Variants in DIP2B observed in about 807,000 individuals in gnomAD.
DIP2B encodes DIP2 acetate--CoA ligase B (putative), also known as disco-interacting protein 2 homolog B.
Under a neutral mutation model 198.0 loss-of-function variants are expected in DIP2B, and 76 were observed. The observed-to-expected ratio is 0.38, with a 90% confidence interval of 0.32 to 0.46. DIP2B has a LOEUF of 0.46. Ranked by LOEUF, DIP2B falls within the 20% of genes least tolerant of loss-of-function variation. The pLI is 0.99. For synonymous variants in DIP2B, 701 were observed against 739.1 expected (o/e 0.95, Z 0.84); for missense variants, 1,559 against 1,978.4 (o/e 0.79, Z 4.02).
Position 50,519,857 on chromosome 12 carries a change from G to T in DIP2B, c.100+14617G>T, listed in dbSNP as rs566231094. Among the ~76,000 whole-genome samples, 23 of 149,200 alleles carry T rather than the reference G, an allele frequency of 1.5e-4. No homozygotes were observed. In the South Asian group the frequency reaches 3.4e-3, roughly 22 times the overall value. ...TAGTGCTCTAATACCCTTTATTTTT[G>T]GAGGACTGTTGCTTTTAGGCATACA... On this transcript the variant is annotated intron_variant, in intron 1 of 37. Coordinates refer to ENST00000301180, the MANE Select transcript of DIP2B (RefSeq NM_173602.3).
chr12:50,732,730 G>A lies in DIP2B; in HGVS notation c.3981+194G>A, dbSNP rs75299286. Among the ~76,000 whole-genome samples the A allele has an allele frequency of 7.7e-3, 1,171 of 152,272 alleles. 14 individuals carry two copies. Among genetic ancestry groups the A allele is most frequent in the African/African-American group, 0.027 (1,124 of 41,544 alleles). On this transcript the variant is annotated intron_variant, in intron 32 of 37. Coordinates refer to ENST00000301180, the MANE Select transcript of DIP2B (RefSeq NM_173602.3). ...TGTAAGGTGAAGGTAGCAGTACTGT[G>A]CTTCCCCAGGCAGCTTGCACAATCA...
chr12:50,536,363 T>C lies in DIP2B; in HGVS notation c.100+31123T>C, dbSNP rs1338655876. ...GTCCAAGCTACTCAGGAGGATTGCT[T>C]GAGCCCAGGAGGGAAGGCTGCAGTG... is the stretch of plus-strand genomic sequence containing the variant. On this transcript the variant is annotated intron_variant, in intron 1 of 37. Transcript: ENST00000301180. Among the ~76,000 whole-genome samples the C allele has an allele frequency of 2.6e-5, 4 of 152,192 alleles. No individual in the cohort carries two copies. The South Asian group carries it at 6.2e-4, about 24-fold the overall frequency.
intron 37 of DIP2B, 23 bp downstream of exon 37, chr12:50,741,562 T>A (rs1174307618): frequency 5.0e-6 from 8 of 1,603,096 alleles, no homozygotes; most frequent in Non-Finnish European, 1.7e-6. Context: ...GCATACACTG[T>A]GCTTCCCACT....
intron 1 of DIP2B, among the ~76,000 whole-genome samples, chr12:50,560,985 T>TA (rs1338913223): frequency 1.3e-5 from 2 of 152,218 alleles, no homozygotes; most frequent in African/African-American, 4.8e-5. Flanking sequence ...TAATATTTCT[T>TA]AAATTTATTC....
In DIP2B at chr12:50,718,995, C is replaced by A; in HGVS notation, c.3002C>A (p.Ala1001Glu). ...LAEILQWRAQ[A>E]TPDHVLFMLL... ...GAGATCCTACAGTGGCGAGCCCAGG[C>A]GACTCCTGACCATGTACTCTTCATG... Residue 1001 changes from alanine to glutamate, a missense_variant, in exon 25 of 38, where the codon GCG becomes GAG. Transcript: ENST00000301180. The A allele has an allele frequency of 1.9e-6, 3 of 1,614,154 alleles. No individual in the cohort carries two copies. Among genetic ancestry groups the A allele is most frequent in the African/African-American group, 1.3e-5 (1 of 75,024 alleles).
chr12:50,713,492 C>A (rs1939656734), intron 22 of DIP2B, among the ~76,000 whole-genome samples: 1 of 152,160 alleles, frequency 6.6e-6, no homozygotes, highest in Non-Finnish European at 1.5e-5. Context: ...AGTGTAGGAA[C>A]ACAGCTGACT....
At chr12:50,533,963 G>T (rs1328357224) in intron 1 of DIP2B, among the ~76,000 whole-genome samples, 3 of 152,076 alleles carry the variant, frequency 2.0e-5, no homozygotes, top group Non-Finnish European at 4.4e-5. Flanking sequence ...GTGACAGAAG[G>T]TGAAATCAGA....
intron 1 of DIP2B, among the ~76,000 whole-genome samples, chr12:50,528,443 A>G (rs1344950417): frequency 1.3e-5 from 2 of 152,066 alleles, no homozygotes; most frequent in Admixed American, 1.3e-4. Context: ...TCCAAAAAAA[A>G]AAAAGGAAAA....
chr12:50,690,112 A>T (rs1323398913), intron 12 of DIP2B, among the ~76,000 whole-genome samples: 1 of 144,960 alleles, frequency 6.9e-6, no homozygotes, highest in African/African-American at 2.6e-5. Context: ...TTTGAGACGG[A>T]GTCTCGCTCT....
rs778513095 is a variant in DIP2B, at chr12:50,695,665, T to A, written c.1814-183T>A. ...AGTGAACAAACAATTGTAGGTCCAG[T>A]CAGTTGTCTAAATGTGATAATTTCT... On this transcript the variant is annotated intron_variant, in intron 15 of 37. Transcript: ENST00000301180. 2.6e-5 allele frequency among the ~76,000 whole-genome samples: 4 copies of A among 152,190 alleles called. 1 individual carries two copies. Among genetic ancestry groups the A allele is most frequent in the South Asian group, 4.1e-4 (2 of 4,832 alleles).
In DIP2B at chr12:50,558,681, A is replaced by G. The variant is rs186734386; in HGVS notation, c.100+53441A>G. Among the ~76,000 whole-genome samples the G allele has an allele frequency of 3.3e-5, 5 of 152,334 alleles. No individual in the cohort carries two copies. The East Asian group carries it at 7.7e-4, about 23-fold the overall frequency. ...TAAATGACAGTAAGAAAAAGCATTA[A>G]CTCAGAAGAACAAAACAGAACTGCA... On this transcript the variant is annotated intron_variant, in intron 1 of 37. Coordinates refer to ENST00000301180, the MANE Select transcript of DIP2B (RefSeq NM_173602.3).
At chr12:50,685,729 G>C in intron 10 of DIP2B, 104 bp from the exon 11 acceptor site, 1 of 1,319,506 alleles carries the variant, frequency 7.6e-7, no homozygotes, top group Non-Finnish European at 1.0e-6. Context: ...GGGGCTCCAT[G>C]AATGTTATCA....
At chr12:50,617,986 G>A (rs1217227679) in intron 1 of DIP2B, among the ~76,000 whole-genome samples, 2 of 152,020 alleles carry the variant, frequency 1.3e-5, no homozygotes, top group Non-Finnish European at 2.9e-5. Context: ...TCTGATTTAG[G>A]GGCCACCTAC....
At chr12:50,610,645 A>G (rs1959023623) in intron 1 of DIP2B, among the ~76,000 whole-genome samples, 2 of 151,648 alleles carry the variant, frequency 1.3e-5, no homozygotes, top group Admixed American at 1.3e-4. Context: ...AGCTGGGAAT[A>G]CAGGCGCCCG....
At chr12:50,523,816 C>A (rs1320592111) in intron 1 of DIP2B, among the ~76,000 whole-genome samples, 1 of 152,072 alleles carries the variant, frequency 6.6e-6, no homozygotes, top group Non-Finnish European at 1.5e-5. Context: ...TCCCAATTTC[C>A]TCAAATTATA....
intron 14 of DIP2B, among the ~76,000 whole-genome samples, chr12:50,693,304 A>G (rs184138901): frequency 3.6e-4 from 55 of 152,332 alleles, no homozygotes; most frequent in African/African-American, 1.3e-3. Flanking sequence ...ACTTCCTTCT[A>G]GGTCTGGGCT....
chr12:50,746,497 A>G lies in DIP2B; in HGVS notation c.*1658A>G, dbSNP rs927602971. The G allele has an allele frequency of 6.6e-6, 1 of 152,208 alleles. No individual in the cohort carries two copies. 9.4% of individuals were successfully genotyped at this position (152,208 alleles called of 1,614,324 possible). A position where few individuals can be genotyped will look rare whatever the true frequency, so the allele number is the denominator to read the frequency against. ...GTGGCAGTGCTCTAGGGCTGCCATT[A>G]CACGGTCTTGTGATGTGACTAAAAG... On this transcript the variant is annotated 3_prime_UTR_variant, in exon 38 of 38. Coordinates refer to ENST00000301180, the MANE Select transcript of DIP2B (RefSeq NM_173602.3).
chr12:50,698,360 G>C lies in DIP2B; in HGVS notation c.2081G>C (p.Arg694Thr). Residue 694 changes from arginine to threonine, a missense_variant, in exon 18 of 38, where the codon AGA becomes ACA. Arg to Thr is a moderately conservative substitution (Grantham distance 71). Coordinates refer to ENST00000301180, the MANE Select transcript of DIP2B (RefSeq NM_173602.3). ...GTTCCAGGAGCCCCTTTGCCAGGAA[G>C]AGCCATTCTCTCAATGAATGGATTG... ...PGVPGAPLPG[R>T]AILSMNGLSY... The C allele has an allele frequency of 6.2e-7, 1 of 1,613,610 alleles. No individual in the cohort carries two copies. The highest frequency in any genetic ancestry group is 8.5e-7 in the Non-Finnish European group (1 of 1,179,740).
intron 3 of DIP2B, among the ~76,000 whole-genome samples, chr12:50,655,656 TAGA>T (rs917704782): frequency 6.6e-6 from 1 of 152,226 alleles, no homozygotes; most frequent in African/African-American, 2.4e-5. Context: ...GAACACTAGT[TAGA>T]AGATTTATTT....
Sources: allele counts gnomAD v4.1 joint callset (sites outside exome capture counted in the v4.1 genomes callset), GRCh38; gene constraint gnomAD v4.1.1; transcripts MANE v1.5; gene names NCBI Gene and HGNC (gene_info 2026-07-23, HGNC 2026-07-21).